TMEM132C: variants seen among roughly 807,000 people sequenced by gnomAD.
The protein encoded by TMEM132C is protein phosphatase 1, regulatory subunit 152.
In TMEM132C, 29 loss-of-function variants were observed where a neutral mutation model predicts 61.4. That is an observed-to-expected ratio of 0.47 (90% CI 0.35 to 0.64). The LOEUF (loss-of-function observed/expected upper bound fraction) is 0.64. Ranked by LOEUF, TMEM132C falls within the 30% of genes least tolerant of loss-of-function variation. TMEM132C has a pLI of 0.00. For missense variants in TMEM132C, 1,408 were observed against 1,476.9 expected, an observed-to-expected ratio of 0.95 and a Z score of 0.76; for synonymous variants, 656 against 633.1, an observed-to-expected ratio of 1.04 and a Z score of -0.54.
chr12:128,494,384 C>G (rs1357521765), intron 2 of TMEM132C, among the ~76,000 whole-genome samples: 3 of 152,174 alleles, frequency 2.0e-5, no homozygotes, highest in Admixed American at 2.0e-4. Flanking sequence ...GGAGGATTCC[C>G]TCTTTTTCTA....
chr12:128,608,669 C>A (rs1475080625), intron 3 of TMEM132C, among the ~76,000 whole-genome samples: 4 of 152,226 alleles, frequency 2.6e-5, no homozygotes, highest in Non-Finnish European at 5.9e-5. Flanking sequence ...ACATTGACAA[C>A]ACATTAAAAT....
chr12:128,494,538 C>T (rs986973638), intron 2 of TMEM132C, among the ~76,000 whole-genome samples: 1 of 152,122 alleles, frequency 6.6e-6, no homozygotes, highest in African/African-American at 2.4e-5. Flanking sequence ...TGTTATTGGT[C>T]TATTCAGGGA....
chr12:128,389,989 C>A (rs1479206793), intron 1 of TMEM132C, among the ~76,000 whole-genome samples: 2 of 152,180 alleles, frequency 1.3e-5, no homozygotes, highest in African/African-American at 2.4e-5. Flanking sequence ...AGCAATCTTC[C>A]CACCCCAGTC....
At chr12:128,379,922 A>G (rs528480616) in intron 1 of TMEM132C, among the ~76,000 whole-genome samples, 4 of 152,368 alleles carry the variant, frequency 2.6e-5, no homozygotes, top group South Asian at 2.1e-4. Context: ...ACCCTGTGCT[A>G]TGAGCTGGGG....
rs563542251 is a variant in TMEM132C at position 128,544,029 on chromosome 12, G to C, written c.1047G>C (p.Gln349His). ...AGCCCCGGCAGTGGGGCGTCAAGCA[G>C]GAGGTGGGCAGCGGCGGAAAGCACG... Reference protein sequence around the residue: ...TREPRQWGVKQEVGSGGKHVT... With the variant: ...TREPRQWGVKHEVGSGGKHVT... The change falls in exon 3 of 9, where the codon CAG (glutamine) becomes CAC (histidine). Residue 349 changes from glutamine (Q) to histidine (H), a missense_variant. Physicochemically the swap from Gln to His is conservative, Grantham distance 24 (BLOSUM62 0). Coordinates refer to ENST00000435159, the MANE Select transcript of TMEM132C (RefSeq NM_001136103.3). 6 of 1,548,784 alleles carry C rather than the reference G, an allele frequency of 3.9e-6. No homozygotes were observed. The Admixed American group carries it at 9.9e-5, about 25-fold the overall frequency.
At chr12:128,346,572 T>G (rs150890555) in intron 1 of TMEM132C, among the ~76,000 whole-genome samples, 1 of 152,172 alleles carries the variant, frequency 6.6e-6, no homozygotes. Flanking sequence ...CATCTCTAAT[T>G]TTTTTGAGGA....
chr12:128,582,848 C>T (rs755283232), intron 3 of TMEM132C, among the ~76,000 whole-genome samples: 9 of 152,156 alleles, frequency 5.9e-5, no homozygotes, highest in Non-Finnish European at 1.2e-4. Context: ...AATCTTAGCT[C>T]ACTGCAGCCT....
intron 1 of TMEM132C, among the ~76,000 whole-genome samples, chr12:128,300,903 T>C (rs1871574333): frequency 6.6e-6 from 1 of 152,104 alleles, no homozygotes; most frequent in Non-Finnish European, 1.5e-5. Flanking sequence ...TTGTCAGACA[T>C]GGTCATGTAT....
At chr12:128,532,080 A>G (rs1761198199) in intron 2 of TMEM132C, among the ~76,000 whole-genome samples, 1 of 152,224 alleles carries the variant, frequency 6.6e-6, no homozygotes, top group South Asian at 2.1e-4. Flanking sequence ...ATGAAAGGAA[A>G]AGTGTATTTT....
intron 3 of TMEM132C, among the ~76,000 whole-genome samples, chr12:128,545,721 A>AT (rs1205482554): frequency 6.6e-6 from 1 of 152,082 alleles, no homozygotes; most frequent in Non-Finnish European, 1.5e-5. Flanking sequence ...AATATGGAAC[A>AT]TTTTTTTCAT....
At chr12:128,456,675 AG>A (rs1870356058) in intron 2 of TMEM132C, among the ~76,000 whole-genome samples, 1 of 151,946 alleles carries the variant, frequency 6.6e-6, no homozygotes, top group Non-Finnish European at 1.5e-5. Context: ...TTCAAAGTGC[AG>A]GGATTACAGG....
At chr12:128,554,305 CTG>C (rs1874264970) in intron 3 of TMEM132C, among the ~76,000 whole-genome samples, 1 of 152,170 alleles carries the variant, frequency 6.6e-6, no homozygotes. Context: ...GCCCTGCAGG[CTG>C]TGAGAGGCGG....
At chr12:128,543,414 C>T (rs191717871) in intron 2 of TMEM132C, among the ~76,000 whole-genome samples, 2 of 152,248 alleles carry the variant, frequency 1.3e-5, no homozygotes, top group East Asian at 3.9e-4. Context: ...AGTGGTGAAA[C>T]TGGGGTATGA....
chr12:128,462,829 G>A (rs932275204), intron 2 of TMEM132C, among the ~76,000 whole-genome samples: 2 of 152,086 alleles, frequency 1.3e-5, no homozygotes, highest in African/African-American at 4.8e-5. Flanking sequence ...CCCCAGTGTG[G>A]GTGCAACAGT....
At chr12:128,606,138 G>A (rs1001348484) in intron 3 of TMEM132C, among the ~76,000 whole-genome samples, 7 of 152,220 alleles carry the variant, frequency 4.6e-5, no homozygotes, top group Non-Finnish European at 1.0e-4. Context: ...CTCAGCAACT[G>A]CACTTCCTGA....
intron 1 of TMEM132C, among the ~76,000 whole-genome samples, chr12:128,318,812 A>T (rs544452248): frequency 6.6e-6 from 1 of 152,224 alleles, no homozygotes; most frequent in Non-Finnish European, 1.5e-5. Context: ...TTGAACTGGC[A>T]TATGCTTTCA....
intron 1 of TMEM132C, among the ~76,000 whole-genome samples, chr12:128,307,102 A>C (rs1462209144): frequency 6.6e-6 from 1 of 152,130 alleles, no homozygotes; most frequent in Non-Finnish European, 1.5e-5. Context: ...AGTCTTTGGC[A>C]AGAGTTCAGT....
chr12:128,325,066 G>A (rs1261316382), intron 1 of TMEM132C, among the ~76,000 whole-genome samples: 1 of 151,880 alleles, frequency 6.6e-6, no homozygotes, highest in Non-Finnish European at 1.5e-5. Flanking sequence ...GGGAGGAGAG[G>A]TACTACTTGA....
chr12:128,535,282 A>G (rs1235045644), intron 2 of TMEM132C, among the ~76,000 whole-genome samples: 1 of 152,246 alleles, frequency 6.6e-6, no homozygotes, highest in Non-Finnish European at 1.5e-5. Context: ...AAAAGAAACT[A>G]CCATCAGAGT....
Sources: allele counts gnomAD v4.1 joint callset (sites outside exome capture counted in the v4.1 genomes callset), GRCh38; gene constraint gnomAD v4.1.1; transcripts MANE v1.5; gene names NCBI Gene and HGNC (gene_info 2026-07-23, HGNC 2026-07-21).